STK3: variants seen among roughly 807,000 people sequenced by gnomAD.
STK3 encodes the protein serine/threonine kinase 3, also known as serine/threonine-protein kinase 3.
Under a neutral mutation model 58.0 loss-of-function variants are expected in STK3, and 41 were observed. The observed-to-expected ratio is 0.71, with a 90% CI of 0.55 to 0.92. The LOEUF is 0.92. Among genes scored for constraint, STK3 ranks in the 40% least tolerant of loss-of-function variants. The pLI is 0.00. For missense variants in STK3, 479 were observed against 602.7 expected, an observed-to-expected ratio of 0.79 and a Z score of 2.15; for synonymous variants, 170 against 191.0, an observed-to-expected ratio of 0.89 and a Z score of 0.91.
At chr8:98,635,523 C>A (rs1587107797) in intron 6 of STK3, among the ~76,000 whole-genome samples, 1 of 152,126 alleles carries the variant, frequency 6.6e-6, no homozygotes, top group African/African-American at 2.4e-5. Context: ...TGATCTTAAT[C>A]ATCAAGTTAT....
chr8:98,503,574 T>C (rs117692965), intron 10 of STK3, among the ~76,000 whole-genome samples: 4,228 of 152,336 alleles, frequency 0.028, 89 homozygotes, highest in East Asian at 0.08. Context: ...CTGCTTTAAA[T>C]GTGCCCCAGA....
At chr8:98,899,843 T>C (rs1838590439) in intron 1 of STK3, among the ~76,000 whole-genome samples, 1 of 152,216 alleles carries the variant, frequency 6.6e-6, no homozygotes, top group Non-Finnish European at 1.5e-5. Flanking sequence ...AGCTCCTTAC[T>C]GCCTTTCCTA....
chr8:98,345,834 C>T, the STK3 span, among the ~76,000 whole-genome samples: 1 of 151,986 alleles, frequency 6.6e-6, no homozygotes, highest in Non-Finnish European at 1.5e-5. Flanking sequence ...AATTGAATTT[C>T]TAGAGATGAA....
chr8:98,567,132 T>C (rs1200190895), intron 8 of STK3, among the ~76,000 whole-genome samples: 1 of 152,194 alleles, frequency 6.6e-6, no homozygotes, highest in African/African-American at 2.4e-5. Flanking sequence ...GGGTCCAAGC[T>C]TGTACTTTCG....
chr8:98,365,520 G>A, the STK3 span, among the ~76,000 whole-genome samples: 1 of 152,156 alleles, frequency 6.6e-6, no homozygotes, highest in Non-Finnish European at 1.5e-5. Flanking sequence ...GAAGCCATGT[G>A]CCTGCCACCA....
intron 3 of STK3, among the ~76,000 whole-genome samples, chr8:98,869,517 A>T (rs1283994624): frequency 6.6e-6 from 1 of 152,150 alleles, no homozygotes; most frequent in Non-Finnish European, 1.5e-5. Flanking sequence ...AGGTGTCCTT[A>T]TAGAGAATGG....
intron 4 of STK3, among the ~76,000 whole-genome samples, chr8:98,739,758 G>A (rs879277736): frequency 2.0e-5 from 3 of 148,474 alleles, no homozygotes; most frequent in Non-Finnish European, 4.5e-5. Flanking sequence ...TGACTTTGAC[G>A]AGTTGAGAGA....
At chr8:98,501,144 G>A (rs1184563007) in intron 10 of STK3, among the ~76,000 whole-genome samples, 14 of 151,858 alleles carry the variant, frequency 9.2e-5, no homozygotes, top group African/African-American at 2.9e-4. Flanking sequence ...TTTGATTTGC[G>A]TTTCTCTAAT....
chr8:98,522,267 C>G (rs1825421849), intron 10 of STK3, among the ~76,000 whole-genome samples: 1 of 152,124 alleles, frequency 6.6e-6, no homozygotes, highest in African/African-American at 2.4e-5. Flanking sequence ...TGGTCATTAT[C>G]AAAATCATTA....
At chr8:98,926,565 A>G (rs896031463) in intron 1 of STK3, among the ~76,000 whole-genome samples, 6 of 152,206 alleles carry the variant, frequency 3.9e-5, no homozygotes, top group Admixed American at 2.0e-4. Flanking sequence ...ATGCACACAC[A>G]CACACACATC....
At chr8:98,485,473 A>G (rs1822179839) in intron 10 of STK3, among the ~76,000 whole-genome samples, 1 of 152,232 alleles carries the variant, frequency 6.6e-6, no homozygotes, top group Non-Finnish European at 1.5e-5. Flanking sequence ...TTTCCAACAC[A>G]TTATCAAGAA....
chr8:98,365,051 C>T, the STK3 span, among the ~76,000 whole-genome samples: 38 of 152,256 alleles, frequency 2.5e-4, no homozygotes, highest in East Asian at 5.6e-3. Flanking sequence ...AGAGCCTCAC[C>T]ATCCCGGTGC....
the STK3 span, among the ~76,000 whole-genome samples, chr8:98,348,035 G>C: frequency 6.6e-6 from 1 of 152,264 alleles, no homozygotes; most frequent in African/African-American, 2.4e-5. Context: ...CGATAATCAA[G>C]ACTGATATTG....
At chr8:98,792,255 C>T (rs181817663) in intron 1 of STK3, among the ~76,000 whole-genome samples, 47 of 152,258 alleles carry the variant, frequency 3.1e-4, no homozygotes, top group Admixed American at 5.9e-4. Context: ...AACCAAAATG[C>T]GATTCCACCT....
At chr8:98,888,472 C>T (rs377382070) in intron 1 of STK3, among the ~76,000 whole-genome samples, 1 of 152,112 alleles carries the variant, frequency 6.6e-6, no homozygotes, top group African/African-American at 2.4e-5. Flanking sequence ...TTTATAGGGC[C>T]AAGGTTGGGC....
At chr8:98,769,226 C>A (rs1461211243) in intron 2 of STK3, among the ~76,000 whole-genome samples, 2 of 152,168 alleles carry the variant, frequency 1.3e-5, no homozygotes, top group African/African-American at 4.8e-5. Flanking sequence ...TTAGTTCTTT[C>A]TTAGATGTTG....
intron 10 of STK3, among the ~76,000 whole-genome samples, chr8:98,466,561 T>G (rs538848310): frequency 6.6e-6 from 1 of 152,332 alleles, no homozygotes; most frequent in African/African-American, 2.4e-5. Flanking sequence ...TAGAACCTTC[T>G]CGCCGTCTCT....
At chr8:98,696,685 T>C (rs199613841) in intron 6 of STK3, among the ~76,000 whole-genome samples, 15 of 152,070 alleles carry the variant, frequency 9.9e-5, no homozygotes, top group Admixed American at 3.3e-4. Context: ...ATTGAACCAG[T>C]CTTGCATCCC....
At chr8:98,835,920 G>T (rs7817630) in intron 3 of STK3, among the ~76,000 whole-genome samples, 4,422 of 152,288 alleles carry the variant, frequency 0.029, 97 homozygotes, top group South Asian at 0.063. Context: ...AGAGAAATTT[G>T]CTGGGCATGG....
Sources: allele counts gnomAD v4.1 joint callset (sites outside exome capture counted in the v4.1 genomes callset), GRCh38; gene constraint gnomAD v4.1.1; transcripts MANE v1.5; gene names NCBI Gene and HGNC (gene_info 2026-07-23, HGNC 2026-07-21).